Variants in PDE10A observed in about 807,000 individuals in gnomAD.
The protein encoded by PDE10A is phosphodiesterase 10A, also known as cAMP and cAMP-inhibited cGMP 3',5'-cyclic phosphodiesterase 10A.
A neutral mutation model predicts 97.7 loss-of-function variants in PDE10A; 39 were observed. The observed-to-expected ratio is 0.40, with a 90% CI of 0.31 to 0.52. PDE10A has a LOEUF of 0.52. Among genes scored for constraint, PDE10A ranks in the 20% least tolerant of loss-of-function variants. The probability of loss-of-function intolerance (pLI) is 0.56; values close to 1 mark genes in which losing one functional copy is unlikely to be tolerated. For missense variants in PDE10A, 731 were observed against 1,047.8 expected (o/e 0.70, Z 4.17); for synonymous variants, 371 against 376.8 (o/e 0.98, Z 0.18).
intron 1 of PDE10A, among the ~76,000 whole-genome samples, chr6:165,922,003 C>A (rs1282256175): frequency 1.3e-5 from 2 of 152,092 alleles, no homozygotes; most frequent in Non-Finnish European, 2.9e-5. Flanking sequence ...GTGGGATAAA[C>A]CAGGCTAGGT....
At chr6:165,501,572 CAAA>C (rs1418840694) in intron 2 of PDE10A, among the ~76,000 whole-genome samples, 1 of 97,574 alleles carries the variant, frequency 1.0e-5, no homozygotes, top group Admixed American at 1.1e-4. Context: ...GACTCCGTCT[CAAA>C]AAAAAAAAAA....
At chr6:165,489,975 G>A (rs909285018) in intron 2 of PDE10A, among the ~76,000 whole-genome samples, 1 of 152,208 alleles carries the variant, frequency 6.6e-6, no homozygotes, top group African/African-American at 2.4e-5. Context: ...AGAATAATTG[G>A]TGTTCCTGAG....
At chr6:165,400,053 C>G (rs1396721479) in intron 13 of PDE10A, among the ~76,000 whole-genome samples, 4 of 152,080 alleles carry the variant, frequency 2.6e-5, no homozygotes, top group Non-Finnish European at 5.9e-5. Flanking sequence ...TTCAGCAAGG[C>G]TGCAAAGGCG....
At chr6:165,373,875 T>C (rs1446829277) in intron 18 of PDE10A, among the ~76,000 whole-genome samples, 1 of 151,548 alleles carries the variant, frequency 6.6e-6, no homozygotes, top group Non-Finnish European at 1.5e-5. Flanking sequence ...ATGTGGCACA[T>C]ATACACCATG....
At chr6:165,737,703 G>A (rs962416421) in intron 1 of PDE10A, among the ~76,000 whole-genome samples, 7 of 152,178 alleles carry the variant, frequency 4.6e-5, no homozygotes, top group African/African-American at 1.7e-4. Flanking sequence ...ATCACACTTA[G>A]TGGTGAAAAG....
intron 1 of PDE10A, among the ~76,000 whole-genome samples, chr6:165,791,471 G>A (rs1226423425): frequency 6.6e-6 from 1 of 152,090 alleles, no homozygotes; most frequent in Non-Finnish European, 1.5e-5. Flanking sequence ...TATTGTGAAC[G>A]GCGCTGCCAC....
Position 165,482,430 on chromosome 6 carries a change from C to T in PDE10A, c.995-87G>A, listed in dbSNP as rs1300609053. ...AAACATGTCATTTGCTTTCAATAAA[C>T]TTGAAGGGTTTTTTTGCAATGCTTC... is the stretch of plus-strand genomic sequence containing the variant. On this transcript the variant is annotated intron_variant, in intron 2 of 21. Coordinates refer to ENST00000539869, the MANE Select transcript of PDE10A (RefSeq NM_001385079.1). The T allele has an allele frequency of 5.8e-6, 6 of 1,027,414 alleles. No homozygotes were observed. The South Asian group carries it at 6.4e-5, about 11-fold the overall frequency. The allele number at this position is 1,027,414 out of a possible 1,614,324, so 63.6% of individuals were successfully genotyped here. A position where few individuals can be genotyped will look rare whatever the true frequency, so the allele number is the denominator to read the frequency against.
intron 1 of PDE10A, among the ~76,000 whole-genome samples, chr6:165,889,910 C>T (rs1213343151): frequency 1.6e-5 from 1 of 62,848 alleles, no homozygotes; most frequent in Non-Finnish European, 3.6e-5. Context: ...CTCCCTCCTC[C>T]CTCCCTCACT....
In PDE10A at chr6:165,981,379, T is replaced by C. The variant is rs1477345030; in HGVS notation, c.-615+6150A>G. Among the ~76,000 whole-genome samples, 3 of 152,248 alleles carry C rather than the reference T, an allele frequency of 2.0e-5. No homozygotes were observed. In the East Asian group the frequency reaches 5.8e-4, roughly 29 times the overall value. ...GATTGAAGTCCAGTTATGGTTTATG[T>C]TCATTTCTTCCCAAAATCATAATCA... is the stretch of plus-strand genomic sequence containing the variant. On this transcript the variant is annotated intron_variant, in intron 1 of 19. Coordinates refer to the PDE10A transcript ENST00000366882.
rs749064596 is a variant in PDE10A, at chr6:165,418,634, C to G, written c.1796+1G>C. 1 of 1,611,962 alleles carries G rather than the reference C, an allele frequency of 6.2e-7. No homozygotes were observed. On this transcript the variant is annotated splice_donor_variant, in intron 11 of 21. Coordinates refer to ENST00000539869, the MANE Select transcript of PDE10A (RefSeq NM_001385079.1). LOFTEE classifies it high-confidence loss of function. This position sits in a 1 kb window ranked among gnomAD's most constrained non-coding sequence, Gnocchi z 4.8. ...ATAGGACATTCTACTTCTAGCTGTA[C>G]CTTATCTCTTTGGTCTTCTTGAAGA...
At chr6:165,561,680 T>C (rs559480800) in intron 1 of PDE10A, among the ~76,000 whole-genome samples, 15 of 152,290 alleles carry the variant, frequency 9.8e-5, no homozygotes, top group East Asian at 1.9e-4. Context: ...GGTCCTAAAA[T>C]AGGAAGATTA....
chr6:165,501,632 T>A (rs1018320821), intron 2 of PDE10A, among the ~76,000 whole-genome samples: 49 of 151,836 alleles, frequency 3.2e-4, no homozygotes, highest in African/African-American at 1.1e-3. Flanking sequence ...ATATGTGAGT[T>A]CAGTAACGTC....
Position 165,610,318 on chromosome 6 carries a change from C to T in PDE10A, c.865+51629G>A, listed in dbSNP as rs185586965. Among the ~76,000 whole-genome samples the T allele has an allele frequency of 9.9e-5, 15 of 152,118 alleles. No homozygotes were observed. In the East Asian group the frequency reaches 2.1e-3, roughly 22 times the overall value. On this transcript the variant is annotated intron_variant, in intron 1 of 21. Transcript: ENST00000539869. The stretch of plus-strand genomic sequence containing the variant: ...CAGCACTTTGGGAGGCCAAGGTGGG[C>T]GGATCACGAGGTCAGGAGATCGAGA...
intron 1 of PDE10A, among the ~76,000 whole-genome samples, chr6:165,695,285 A>G (rs1273772226): frequency 1.3e-5 from 2 of 152,222 alleles, no homozygotes; most frequent in Non-Finnish European, 2.9e-5. Flanking sequence ...TAGAAGGAGC[A>G]AACAGCAAAT....
At chr6:165,708,782 A>C (rs928733865) in intron 1 of PDE10A, among the ~76,000 whole-genome samples, 3 of 14,412 alleles carry the variant, frequency 2.1e-4, no homozygotes, top group African/African-American at 3.7e-4. Flanking sequence ...CCCACTCTCC[A>C]CCCACATGCT....
At chr6:165,446,656 A>G (rs1165474657) in intron 5 of PDE10A, among the ~76,000 whole-genome samples, 4 of 152,244 alleles carry the variant, frequency 2.6e-5, no homozygotes, top group Non-Finnish European at 4.4e-5. Context: ...TCACAGACTC[A>G]GCTATGTTCC....
At chr6:165,659,441 C>T (rs1790124988) in intron 1 of PDE10A, among the ~76,000 whole-genome samples, 1 of 152,124 alleles carries the variant, frequency 6.6e-6, no homozygotes, top group African/African-American at 2.4e-5. Context: ...CAATTCAGAC[C>T]AGTGGCTTGT....
chr6:165,382,103 T>C (rs1215562477), intron 17 of PDE10A, among the ~76,000 whole-genome samples: 1 of 152,144 alleles, frequency 6.6e-6, no homozygotes, highest in African/African-American at 2.4e-5. Context: ...GTGAACAGCA[T>C]GTAATTCTTA....
intron 1 of PDE10A, among the ~76,000 whole-genome samples, chr6:165,855,952 T>C (rs1780721141): frequency 1.3e-5 from 2 of 152,172 alleles, no homozygotes; most frequent in African/African-American, 4.8e-5. Context: ...ACCTTTCAAA[T>C]GGGAAGACGT....
Sources: gnomAD v4.1 joint callset for allele counts (sites outside exome capture counted in the v4.1 genomes callset) on GRCh38, gnomAD v4.1.1 for gene constraint, Gnocchi (gnomAD v3.1) non-coding constraint, MANE v1.5 for transcripts, NCBI Gene and HGNC (gene_info 2026-07-23, HGNC 2026-07-21) for gene names.